CABLES1: variants seen among roughly 807,000 people sequenced by gnomAD.
CABLES1 encodes the protein Cdk5 and Abl enzyme substrate 1, also known as CDK5 and ABL1 enzyme substrate 1.
A neutral mutation model predicts 57.8 loss-of-function variants in CABLES1; 36 were observed. That is an observed-to-expected ratio of 0.62 (90% CI 0.48 to 0.82). The LOEUF (loss-of-function observed/expected upper bound fraction) is 0.82, where lower values mean the gene tolerates loss of function less well. Ranked by LOEUF, CABLES1 falls within the 40% of genes least tolerant of loss-of-function variation. CABLES1 has a pLI of 0.00. For missense variants in CABLES1, 767 were observed against 836.6 expected, an observed-to-expected ratio of 0.92 and a Z score of 1.03; for synonymous variants, 374 against 363.0, an observed-to-expected ratio of 1.03 and a Z score of -0.35.
chr18:23,209,662 A>T (rs541741590), intron 3 of CABLES1, among the ~76,000 whole-genome samples: 1 of 152,148 alleles, frequency 6.6e-6, no homozygotes, highest in African/African-American at 2.4e-5. Context: ...TTAAGAGAAT[A>T]TTTCTGTTGT....
At chr18:23,191,813 A>C (rs1245806515) in intron 2 of CABLES1, among the ~76,000 whole-genome samples, 2 of 150,506 alleles carry the variant, frequency 1.3e-5, no homozygotes, top group African/African-American at 2.4e-5. Flanking sequence ...TGCCAACCTG[A>C]GCGCCCGGTA....
At chr18:23,227,889 C>G (rs1027761858) in intron 4 of CABLES1, among the ~76,000 whole-genome samples, 3 of 152,218 alleles carry the variant, frequency 2.0e-5, no homozygotes, top group African/African-American at 7.2e-5. Flanking sequence ...ATTGACACAT[C>G]AAAGTGTTCA....
rs34013091 is a variant in CABLES1, at chr18:23,243,872, C to CA, written c.1446+6645dup. The stretch of plus-strand genomic sequence containing the variant: ...GGGCGATAAGACCAAGACTCCGTTT[C>CA]AAAAAAAAAAAAAAAAAACTAATAC... On this transcript the variant is annotated intron_variant, in intron 7 of 9. Coordinates refer to ENST00000256925, the MANE Select transcript of CABLES1 (RefSeq NM_001100619.3). 9.7e-3 allele frequency among the ~76,000 whole-genome samples: 1,065 copies of CA among 109,840 alleles called. 6 individuals are homozygous for CA. The highest frequency in any genetic ancestry group is 0.016 in the Non-Finnish European group (754 of 47,176). 72.1% of individuals were successfully genotyped at this position (109,840 alleles called of 152,430 possible).
chr18:23,179,523 C>T lies in CABLES1; in HGVS notation c.846-9315C>T, dbSNP rs190957436. ...CCAAGCCAGCTGTGTGCCCAGTGCT[C>T]AGAGGTATGGATGGCATCAGGCTGA... On this transcript the variant is annotated intron_variant, in intron 1 of 9. Coordinates refer to ENST00000256925, the MANE Select transcript of CABLES1 (RefSeq NM_001100619.3). Among the ~76,000 whole-genome samples, 762 of 152,268 alleles carry T rather than the reference C, an allele frequency of 5.0e-3. 7 individuals carry two copies. The highest frequency in any genetic ancestry group is 0.017 in the African/African-American group (710 of 41,542).
intron 3 of CABLES1, among the ~76,000 whole-genome samples, chr18:23,204,189 G>T (rs2047346126): frequency 6.6e-6 from 1 of 152,236 alleles, no homozygotes; most frequent in Admixed American, 6.5e-5. Flanking sequence ...ATGCAGGGCA[G>T]TCACTCGGCA....
chr18:23,149,365 T>C (rs924121388), intron 1 of CABLES1, among the ~76,000 whole-genome samples: 1 of 152,180 alleles, frequency 6.6e-6, no homozygotes, highest in East Asian at 1.9e-4. Flanking sequence ...CACTGCAGCC[T>C]CTGCCTCCAG....
chr18:23,247,882 G>A (rs971374498), intron 7 of CABLES1, among the ~76,000 whole-genome samples: 12 of 152,222 alleles, frequency 7.9e-5, no homozygotes, highest in South Asian at 2.1e-4. Flanking sequence ...CCACTTACGC[G>A]GGGCCAAGCA....
intron 7 of CABLES1, among the ~76,000 whole-genome samples, chr18:23,241,507 G>A (rs1378774796): frequency 6.6e-6 from 1 of 152,182 alleles, no homozygotes; most frequent in Non-Finnish European, 1.5e-5. Context: ...TTCAGCCTGG[G>A]CGACAAGCGA....
At chr18:23,155,829 A>G (rs2144967444) in intron 1 of CABLES1, 1 of 1,609,016 alleles carries the variant, frequency 6.2e-7, no homozygotes, top group Non-Finnish European at 8.5e-7. Flanking sequence ...CCTCCAGGCC[A>G]TTTTTCTTCC....
intron 1 of CABLES1, among the ~76,000 whole-genome samples, chr18:23,159,690 G>C (rs2046989875): frequency 6.6e-6 from 1 of 152,196 alleles, no homozygotes; most frequent in South Asian, 2.1e-4. Flanking sequence ...AAAGACAGCT[G>C]TTAAAGTTTA....
intron 7 of CABLES1, among the ~76,000 whole-genome samples, chr18:23,247,135 C>T (rs1240140287): frequency 6.6e-6 from 1 of 152,248 alleles, no homozygotes; most frequent in Non-Finnish European, 1.5e-5. Context: ...CTAGTACAGC[C>T]TCCCCAGCTC....
At chr18:23,201,706 G>A (rs2047326327) in intron 3 of CABLES1, among the ~76,000 whole-genome samples, 1 of 152,212 alleles carries the variant, frequency 6.6e-6, no homozygotes, top group African/African-American at 2.4e-5. Flanking sequence ...ATGTTTGCTG[G>A]CACCTACTCT....
chr18:23,141,135 A>G (rs1263252165), intron 1 of CABLES1, among the ~76,000 whole-genome samples: 1 of 152,208 alleles, frequency 6.6e-6, no homozygotes, highest in African/African-American at 2.4e-5. Context: ...TTTACCCACT[A>G]TGATGATTTG....
At chr18:23,234,993 C>T (rs1804629631) in intron 5 of CABLES1, among the ~76,000 whole-genome samples, 1 of 152,148 alleles carries the variant, frequency 6.6e-6, no homozygotes, top group South Asian at 2.1e-4. Context: ...GATGGAATGA[C>T]GAATGGATTG....
chr18:23,171,038 C>G (rs1225885000), intron 1 of CABLES1, among the ~76,000 whole-genome samples: 1 of 152,192 alleles, frequency 6.6e-6, no homozygotes, highest in East Asian at 1.9e-4. Flanking sequence ...CCTCATGATC[C>G]GCCTGCCTCG....
At chr18:23,155,986 A>T in intron 1 of CABLES1, 1 of 1,613,536 alleles carries the variant, frequency 6.2e-7, no homozygotes, top group Non-Finnish European at 8.5e-7. Context: ...GGTGACCCAG[A>T]GAGCTGAGTC....
chr18:23,249,935 C>T (rs2047997373), intron 7 of CABLES1, among the ~76,000 whole-genome samples: 1 of 152,260 alleles, frequency 6.6e-6, no homozygotes, highest in East Asian at 1.9e-4. Context: ...CAGCGCTGGC[C>T]CCTGCCTGCG....
chr18:23,139,646 A>G (rs992287748), intron 1 of CABLES1, among the ~76,000 whole-genome samples: 1 of 152,142 alleles, frequency 6.6e-6, no homozygotes, highest in Non-Finnish European at 1.5e-5. Flanking sequence ...CTTGACATCT[A>G]TTGTATTTAG....
At position 23,194,331 on chromosome 18, in the gene CABLES1, C is replaced by T. The variant is rs563737675; in HGVS notation, c.918-117C>T. The stretch of plus-strand genomic sequence containing the variant: ...TCTTCATTATCCTCGCGGACTCCTG[C>T]CTGCTTTGGGGTGACTCAAGCCATT... On this transcript the variant is annotated intron_variant, in intron 2 of 9. Coordinates refer to ENST00000256925, the MANE Select transcript of CABLES1 (RefSeq NM_001100619.3). The T allele has an allele frequency of 4.1e-5, 26 of 637,380 alleles. 1 individual carries two copies. Among genetic ancestry groups the T allele is most frequent in the Middle Eastern group, 2.5e-4 (1 of 3,980 alleles). The allele number at this position is 637,380 out of a possible 1,614,324, so 39.5% of individuals were successfully genotyped here. A position where few individuals can be genotyped will look rare whatever the true frequency, so the allele number is the denominator to read the frequency against.
Sources: allele counts gnomAD v4.1 joint callset (sites outside exome capture counted in the v4.1 genomes callset), GRCh38; gene constraint gnomAD v4.1.1; transcripts MANE v1.5; gene names NCBI Gene and HGNC (gene_info 2026-07-23, HGNC 2026-07-21).